RGS3: variants seen among roughly 807,000 people sequenced by gnomAD.
RGS3 encodes the protein regulator of G protein signaling 3.
Under a neutral mutation model 132.6 loss-of-function variants are expected in RGS3, and 80 were observed. The ratio of observed to expected loss-of-function variants is 0.60; its 90% CI spans 0.50 to 0.73. RGS3 has a LOEUF of 0.73. Among genes scored for constraint, RGS3 ranks in the 30% least tolerant of loss-of-function variants. The pLI is 0.00. For synonymous variants in RGS3, 598 were observed against 620.6 expected, an observed-to-expected ratio of 0.96 and a Z score of 0.54; for missense variants, 1,382 against 1,530.8, an observed-to-expected ratio of 0.90 and a Z score of 1.62.
intron 14 of RGS3, among the ~76,000 whole-genome samples, chr9:113,509,457 A>C (rs1831304766): frequency 2.0e-5 from 3 of 152,154 alleles, no homozygotes. Flanking sequence ...TTTGAAGTGC[A>C]CAGATGTCTC....
rs191651523 is a variant in RGS3, at chr9:113,507,118, C to T, written c.1086-169C>T. ...TTGACCTAGGTGACCCATTTGCTGT[C>T]TCTTCTTTAAATGGCTTCTTGCATC... On this transcript the variant is annotated intron_variant, in intron 12 of 24. Transcript: ENST00000350696. The surrounding 1 kb of genome is among the most constrained non-coding windows in gnomAD (Gnocchi z 5.0). Among the ~76,000 whole-genome samples the T allele has an allele frequency of 2.6e-5, 4 of 152,348 alleles. No homozygotes were observed. The South Asian group carries it at 8.3e-4, about 32-fold the overall frequency.
chr9:113,491,617 C>T (rs559789813), intron 7 of RGS3, among the ~76,000 whole-genome samples: 11 of 151,652 alleles, frequency 7.3e-5, no homozygotes, highest in East Asian at 5.8e-4. Context: ...TGGAATGGCG[C>T]GATCTCACCT....
intron 1 of RGS3, among the ~76,000 whole-genome samples, chr9:113,445,526 TC>T (rs1829082034): frequency 1.3e-5 from 2 of 152,030 alleles, no homozygotes. Flanking sequence ...TAAGCACACT[TC>T]CTAGTGACAC....
exon 19 of RGS3, chr9:113,536,805 T>A: frequency 6.2e-7 from 1 of 1,613,862 alleles, no homozygotes; most frequent in Non-Finnish European, 8.5e-7. Flanking sequence ...GAAGGCAGAG[T>A]GCTTATTCAC....
chr9:113,541,339 C>T (rs754530796), intron 19 of RGS3: 6 of 1,613,594 alleles, frequency 3.7e-6, no homozygotes, highest in East Asian at 4.5e-5. Context: ...CCTTTCGGCT[C>T]TCTCCAGCAG....
At chr9:113,575,781 G>T (rs1408745469) in intron 19 of RGS3, among the ~76,000 whole-genome samples, 1 of 152,218 alleles carries the variant, frequency 6.6e-6, no homozygotes, top group African/African-American at 2.4e-5. Flanking sequence ...GGACTGTGAT[G>T]CAGTAGGTCT....
chr9:113,445,684 T>C (rs1829084931), intron 1 of RGS3, among the ~76,000 whole-genome samples: 1 of 152,094 alleles, frequency 6.6e-6, no homozygotes, highest in African/African-American at 2.4e-5. Context: ...TTGATTTTGT[T>C]TTTGTATGTT....
intron 21 of RGS3, chr9:113,593,737 C>T (rs1293649496): frequency 6.4e-6 from 4 of 620,174 alleles, no homozygotes; most frequent in Non-Finnish European, 1.2e-5. Context: ...TTCTTGCCAG[C>T]AGTTTCACCC....
At chr9:113,563,240 C>T (rs544963018) in intron 19 of RGS3, among the ~76,000 whole-genome samples, 1 of 152,336 alleles carries the variant, frequency 6.6e-6, no homozygotes, top group African/African-American at 2.4e-5. Flanking sequence ...AGTCATTAGT[C>T]TCACTCCATG....
At chr9:113,555,161 T>C (rs1833518205) in intron 19 of RGS3, among the ~76,000 whole-genome samples, 1 of 152,230 alleles carries the variant, frequency 6.6e-6, no homozygotes, top group Non-Finnish European at 1.5e-5. Context: ...TGTCTATTCC[T>C]ACATCAGGTT....
chr9:113,595,822 C>T, intron 24 of RGS3, 57 bp downstream of exon 22: 1 of 1,568,742 alleles, frequency 6.4e-7, no homozygotes, highest in African/African-American at 1.3e-5. Flanking sequence ...AGTGGCCCTT[C>T]AGCTGCAAGG....
chr9:113,509,549 C>T (rs963775562), intron 14 of RGS3, among the ~76,000 whole-genome samples: 2 of 152,160 alleles, frequency 1.3e-5, no homozygotes, highest in Non-Finnish European at 2.9e-5. Flanking sequence ...CTTTCTTCTC[C>T]CAGGAAGGCT....
In RGS3 at chr9:113,541,180, C is replaced by T. The variant is rs567039462; in HGVS notation, c.2037+4262C>T. ...GGTGAGGTGCGTGCCACCTTGTCATCTCCACTGGGGCCACTAGAGACAGCC... is the reference window on the plus strand; with the variant it reads ...GGTGAGGTGCGTGCCACCTTGTCATTTCCACTGGGGCCACTAGAGACAGCC... On this transcript the variant is annotated intron_variant, in intron 19 of 24. Transcript: ENST00000350696. The T allele has an allele frequency of 3.2e-5, 26 of 814,076 alleles. No homozygotes were observed. In the African/African-American group the frequency reaches 4.3e-4, roughly 14 times the overall value. 50.4% of individuals were successfully genotyped at this position (814,076 alleles called of 1,614,324 possible).
At chr9:113,474,540 C>T (rs933737717) in intron 3 of RGS3, among the ~76,000 whole-genome samples, 6 of 152,264 alleles carry the variant, frequency 3.9e-5, no homozygotes, top group Admixed American at 3.3e-4. Flanking sequence ...AGAGAGAGGG[C>T]GTGCCTGGCA....
chr9:113,447,329 G>GTA lies in RGS3; in HGVS notation c.-13+2433_-13+2434dup, dbSNP rs60991619. The stretch of plus-strand genomic sequence containing the variant: ...CCAATAAATTCTGATGTATGTATAT[G>GTA]TATATATATATATATATATATATAT... On this transcript the variant is annotated intron_variant, in intron 1 of 25. Coordinates refer to the RGS3 transcript ENST00000374140. Among the ~76,000 whole-genome samples, 193 of 27,552 alleles carry GTA rather than the reference G, an allele frequency of 7.0e-3. 24 individuals carry two copies. The highest frequency in any genetic ancestry group is 0.015 in the East Asian group (4 of 266). 18.1% of individuals were successfully genotyped at this position (27,552 alleles called of 152,430 possible).
In RGS3 at chr9:113,529,101, C is replaced by T. The variant is rs1051506762; in HGVS notation, c.1871-120C>T. ...TTCCCTGCCTCCCATGCCTGCCTCT[C>T]TCTTTTCCCAGGAGGTGCCACACAC... is the stretch of plus-strand genomic sequence containing the variant. On this transcript the variant is annotated intron_variant, in intron 17 of 24. Transcript: ENST00000350696. The T allele has an allele frequency of 5.1e-6, 4 of 788,008 alleles. No homozygotes were observed. In the African/African-American group the frequency reaches 5.1e-5, roughly 10 times the overall value. The allele number at this position is 788,008 out of a possible 1,614,324, so 48.8% of individuals were successfully genotyped here.
chr9:113,577,606 A>AG (rs1834591980), intron 19 of RGS3, among the ~76,000 whole-genome samples: 1 of 152,176 alleles, frequency 6.6e-6, no homozygotes, highest in African/African-American at 2.4e-5. Context: ...ATGCAGAAGG[A>AG]GGTCTCCATC....
intron 19 of RGS3, among the ~76,000 whole-genome samples, chr9:113,571,076 G>A (rs1415454675): frequency 6.6e-6 from 1 of 152,200 alleles, no homozygotes; most frequent in African/African-American, 2.4e-5. Flanking sequence ...ATTGTATCAA[G>A]CTTTATTTTG....
At chr9:113,471,695 C>T (rs539013173) in intron 3 of RGS3, among the ~76,000 whole-genome samples, 1 of 152,104 alleles carries the variant, frequency 6.6e-6, no homozygotes, top group Non-Finnish European at 1.5e-5. Flanking sequence ...TCCCTGCCTG[C>T]CTGCCTACCT....
Sources: allele counts gnomAD v4.1 joint callset (sites outside exome capture counted in the v4.1 genomes callset), GRCh38; gene constraint gnomAD v4.1.1; non-coding constraint Gnocchi (gnomAD v3.1); transcripts MANE v1.5; gene names NCBI Gene and HGNC (gene_info 2026-07-23, HGNC 2026-07-21).